The following TBL1XR1 variants were observed in gnomAD, a reference collection of about 807,000 sequenced individuals.
The protein encoded by TBL1XR1 is TBL1X/Y related 1, also known as F-box-like/WD repeat-containing protein TBL1XR1.
A neutral mutation model predicts 66.9 loss-of-function variants in TBL1XR1; 5 were observed. The ratio of observed to expected loss-of-function variants is 0.07; its 90% CI spans 0.04 to 0.16. The LOEUF is 0.16. TBL1XR1 is among the 10% of genes least tolerant of loss of function. The pLI is 1.00. For missense variants in TBL1XR1, 238 were observed against 623.2 expected, an observed-to-expected ratio of 0.38 and a Z score of 6.58; for synonymous variants, 210 against 206.0, an observed-to-expected ratio of 1.02 and a Z score of -0.17.
At position 177,173,689 on chromosome 3, in the gene TBL1XR1, A is replaced by G. The variant is rs1733828358; in HGVS notation, c.-122+23432T>C. On this transcript the variant is annotated intron_variant, in intron 1 of 15. Coordinates refer to ENST00000457928, the MANE Select transcript of TBL1XR1 (RefSeq NM_024665.7). Reference sequence around the variant, plus strand: ...GGAACAGAAAAAAAGACATTCGTGGAAAAAACCGGAGAAATCCAAATAAAA... The same window carrying G: ...GGAACAGAAAAAAAGACATTCGTGGGAAAAACCGGAGAAATCCAAATAAAA... Among the ~76,000 whole-genome samples, 3 of 152,308 alleles carry G rather than the reference A, an allele frequency of 2.0e-5. No homozygotes were observed. The South Asian group carries it at 6.2e-4, about 32-fold the overall frequency.
Position 177,193,010 on chromosome 3 carries a change from G to A in TBL1XR1, c.-122+4111C>T, listed in dbSNP as rs79610136. ...TCTACTAAAAACACAAAAATTAGCC[G>A]GGAGTGGTGGCAAGCACCTGTAATC... On this transcript the variant is annotated intron_variant, in intron 1 of 15. Coordinates refer to ENST00000457928, the MANE Select transcript of TBL1XR1 (RefSeq NM_024665.7). Among the ~76,000 whole-genome samples the A allele has an allele frequency of 1.4e-3, 210 of 151,928 alleles. 3 individuals are homozygous for A. In the East Asian group the frequency reaches 0.035, roughly 26 times the overall value.
chr3:177,154,569 G>GT (rs901550333), intron 1 of TBL1XR1, among the ~76,000 whole-genome samples: 4 of 151,868 alleles, frequency 2.6e-5, no homozygotes, highest in East Asian at 1.9e-4. Context: ...GCTAATTTTT[G>GT]TTTTTTTAGT....
chr3:177,071,205 T>C (rs1348427535), intron 2 of TBL1XR1, among the ~76,000 whole-genome samples: 1 of 152,012 alleles, frequency 6.6e-6, no homozygotes, highest in African/African-American at 2.4e-5. Flanking sequence ...TAATTTTTTG[T>C]ATTTTCAGTA....
intron 1 of TBL1XR1, among the ~76,000 whole-genome samples, chr3:177,184,130 AG>A (rs1326784883): frequency 6.6e-6 from 1 of 152,176 alleles, no homozygotes. Context: ...CTAGAAGGCA[AG>A]CCCCTTTACT....
Position 177,037,797 on chromosome 3 carries a change from C to T in TBL1XR1, c.1122+301G>A, listed in dbSNP as rs549943806. 127 of 235,524 alleles carry T rather than the reference C, an allele frequency of 5.4e-4. 3 individuals are homozygous for T. The South Asian group carries it at 0.012, about 21-fold the overall frequency. The allele number at this position is 235,524 out of a possible 1,614,324, so 14.6% of individuals were successfully genotyped here. ...TCATCCATCCATCCATCCATCCATC[C>T]ATCCATCCATCTTCTTATTGGTTCT... On this transcript the variant is annotated intron_variant, in intron 12 of 15. Transcript: ENST00000457928.
chr3:177,187,746 G>C (rs1735603105), intron 1 of TBL1XR1, among the ~76,000 whole-genome samples: 1 of 151,256 alleles, frequency 6.6e-6, no homozygotes. Flanking sequence ...GAAGAAAAGA[G>C]AAACACAAAA....
At chr3:177,027,895 T>G (rs1312250353) in intron 14 of TBL1XR1, 1 of 152,126 alleles carries the variant, frequency 6.6e-6, no homozygotes, top group Non-Finnish European at 1.5e-5. Context: ...GAGAAAAAAG[T>G]AGAACCAACA....
intron 1 of TBL1XR1, among the ~76,000 whole-genome samples, chr3:177,105,233 G>A (rs189094170): frequency 3.7e-4 from 56 of 152,310 alleles, no homozygotes; most frequent in African/African-American, 1.3e-3. Context: ...AATTAATGGT[G>A]TAACTTACAG....
At chr3:177,172,808 G>GA (rs1444245098) in intron 1 of TBL1XR1, among the ~76,000 whole-genome samples, 2 of 151,820 alleles carry the variant, frequency 1.3e-5, no homozygotes, top group African/African-American at 2.4e-5. Flanking sequence ...AACTTTCAAG[G>GA]AAAAAAATGG....
intron 3 of TBL1XR1, among the ~76,000 whole-genome samples, chr3:177,059,473 T>C (rs933678938): frequency 2.0e-5 from 3 of 152,160 alleles, no homozygotes; most frequent in Non-Finnish European, 2.9e-5. Context: ...TAAAAAATAA[T>C]AGTATATGGT....
At chr3:177,084,899 A>T (rs1721929900) in intron 2 of TBL1XR1, among the ~76,000 whole-genome samples, 1 of 152,154 alleles carries the variant, frequency 6.6e-6, no homozygotes, top group Admixed American at 6.5e-5. Flanking sequence ...TGTAGTTACT[A>T]TTTGTGGGAG....
intron 1 of TBL1XR1, among the ~76,000 whole-genome samples, chr3:177,116,300 G>A (rs1246495441): frequency 6.6e-6 from 1 of 151,992 alleles, no homozygotes; most frequent in Non-Finnish European, 1.5e-5. Flanking sequence ...CTACCTTGGT[G>A]GATGGCGCCA....
intron 1 of TBL1XR1, chr3:177,196,513 C>T (rs1192247410): frequency 1.3e-5 from 2 of 148,206 alleles, no homozygotes; most frequent in African/African-American, 4.9e-5. Context: ...GCCCCGGACG[C>T]GCGGCCCCAA....
intron 1 of TBL1XR1, among the ~76,000 whole-genome samples, chr3:177,160,482 A>C (rs1320894213): frequency 4.0e-5 from 6 of 151,874 alleles, no homozygotes; most frequent in Admixed American, 2.6e-4. Context: ...TCAAAAAAAA[A>C]AAAAAAAGTA....
At chr3:177,125,621 A>AAT (rs1256395912) in intron 1 of TBL1XR1, among the ~76,000 whole-genome samples, 4 of 152,258 alleles carry the variant, frequency 2.6e-5, no homozygotes, top group Admixed American at 6.5e-5. Context: ...TTCATATATG[A>AAT]ATATATATAT....
Position 177,034,081 on chromosome 3 carries a change from G to GGAA in TBL1XR1, c.1250+114_1250+116dup. 2.7e-6 allele frequency: 3 copies of GGAA among 1,098,598 alleles called. No individual in the cohort carries two copies. The South Asian group carries it at 4.6e-5, about 17-fold the overall frequency. 68.1% of individuals were successfully genotyped at this position (1,098,598 alleles called of 1,614,324 possible). On this transcript the variant is annotated intron_variant, in intron 13 of 15. Transcript: ENST00000457928. ...CTATACACCAAAAACTACTGAAATT[G>GGAA]GAAAAAAAAAAAAAAAAGTTTCCAC...
At position 177,032,966 on chromosome 3, in the gene TBL1XR1, C is replaced by T. The variant is rs1173186478; in HGVS notation, c.1416+5G>A. On this transcript the variant is annotated splice_donor_5th_base_variant and intron_variant, in intron 14 of 15. Transcript: ENST00000457928. Reference sequence around the variant, plus strand: ...CACTTGACCATTTAAATAATGAAGACATACCTGCGTGTTCCAGATGTGTAC... The same window carrying T: ...CACTTGACCATTTAAATAATGAAGATATACCTGCGTGTTCCAGATGTGTAC... The T allele has an allele frequency of 1.3e-6, 2 of 1,564,988 alleles. No homozygotes were observed. Among genetic ancestry groups the T allele is most frequent in the Non-Finnish European group, 1.7e-6 (2 of 1,152,802 alleles).
chr3:177,029,752 G>C (rs1053917835), intron 14 of TBL1XR1, among the ~76,000 whole-genome samples: 27 of 152,162 alleles, frequency 1.8e-4, no homozygotes, highest in African/African-American at 6.3e-4. Flanking sequence ...TTAGTACCCA[G>C]AATGCATAAT....
chr3:177,188,484 G>T (rs561528436), intron 1 of TBL1XR1, among the ~76,000 whole-genome samples: 34 of 152,046 alleles, frequency 2.2e-4, no homozygotes, highest in Middle Eastern at 6.8e-3. Context: ...GAGGTGGAGG[G>T]TGCAGTGAGC....
Sources: gnomAD v4.1 joint callset for allele counts (sites outside exome capture counted in the v4.1 genomes callset) on GRCh38, gnomAD v4.1.1 for gene constraint, MANE v1.5 for transcripts, NCBI Gene and HGNC (gene_info 2026-07-23, HGNC 2026-07-21) for gene names.